The following MIA3 variants were observed in gnomAD, a reference collection of about 807,000 sequenced individuals.
MIA3 encodes transport and Golgi organization protein 1 homolog.
MIA3 carries 90 observed loss-of-function variants against 192.4 expected under a neutral mutation model. That is an observed-to-expected ratio of 0.47 (90% CI 0.39 to 0.56). MIA3 has a LOEUF of 0.56. MIA3 is among the 20% of genes least tolerant of loss of function. The pLI, the probability that MIA3 is intolerant of heterozygous loss-of-function variation, is 0.00. For synonymous variants in MIA3, 740 were observed against 792.8 expected, an observed-to-expected ratio of 0.93 and a Z score of 1.12; for missense variants, 2,123 against 2,269.4, an observed-to-expected ratio of 0.94 and a Z score of 1.31.
chr1:222,662,437 C>G, intron 26 of MIA3, 105 bp downstream of exon 26: 4 of 1,570,026 alleles, frequency 2.5e-6, no homozygotes, highest in Non-Finnish European at 2.6e-6. Flanking sequence ...TCTGTACTAT[C>G]TCATTTATTT....
intron 6 of MIA3, chr1:222,644,264 C>T: frequency 7.2e-7 from 1 of 1,379,656 alleles, no homozygotes; most frequent in Non-Finnish European, 9.4e-7. Context: ...CCGGCCGGCT[C>T]CTTTGGTGCC....
intron 7 of MIA3, among the ~76,000 whole-genome samples, chr1:222,647,608 G>A (rs989275070): frequency 1.3e-5 from 2 of 152,128 alleles, no homozygotes; most frequent in Admixed American, 1.3e-4. Flanking sequence ...GGGAAAAGTT[G>A]AAAACATTTT....
At chr1:222,651,157 G>T (rs1273438067) in intron 11 of MIA3, among the ~76,000 whole-genome samples, 1 of 151,486 alleles carries the variant, frequency 6.6e-6, no homozygotes, top group Non-Finnish European at 1.5e-5. Flanking sequence ...GAAACATGTG[G>T]AACAACTAAG....
rs370708315 is a variant in MIA3 at position 222,627,770 on chromosome 1, G to A, written c.550G>A (p.Ala184Thr). 3 of 1,613,288 alleles carry A rather than the reference G, an allele frequency of 1.9e-6. No individual in the cohort carries two copies. The African/African-American group carries it at 4.0e-5, about 22-fold the overall frequency. ...GGAACCTGAACCTGAACCAGTAGAA[G>A]CCAACTCAGAGGAAAGTGATAGTGT... ...EREPEPEPVEANSEESDSVFS... is the reference protein window; with the variant it reads ...EREPEPEPVETNSEESDSVFS... Residue 184 changes from alanine to threonine, a missense_variant, in exon 4 of 28, where the codon GCC (alanine) becomes ACC (threonine). Physicochemically the swap from Ala to Thr is moderately conservative, Grantham distance 58 (BLOSUM62 0). This residue lies in a region of MIA3 where 1,357 missense variants were observed against 1,396.1 expected (regional missense o/e 0.97). Coordinates refer to ENST00000344922, the MANE Select transcript of MIA3 (RefSeq NM_198551.4).
At chr1:222,639,242 C>T (rs192997860) in intron 6 of MIA3, among the ~76,000 whole-genome samples, 2 of 152,292 alleles carry the variant, frequency 1.3e-5, no homozygotes, top group African/African-American at 4.8e-5. Flanking sequence ...ATTGGATTTA[C>T]AGCTAAAAAC....
Position 222,666,224 on chromosome 1 carries a change from A to G in MIA3, c.*605A>G, listed in dbSNP as rs1233689408. On this transcript the variant is annotated 3_prime_UTR_variant, in exon 28 of 28. Coordinates refer to ENST00000344922, the MANE Select transcript of MIA3 (RefSeq NM_198551.4). ...GAACATGTAAACTCAGGCTCCCAGA[A>G]CTGAAGATGGTGGCTGGTGGCACAC... is the stretch of plus-strand genomic sequence containing the variant. The G allele has an allele frequency of 6.6e-6, 1 of 152,202 alleles. No individual in the cohort carries two copies. The highest frequency in any genetic ancestry group is 1.5e-5 in the Non-Finnish European group (1 of 68,056). 9.4% of individuals were successfully genotyped at this position (152,202 alleles called of 1,614,324 possible).
chr1:222,659,396 T>G, intron 19 of MIA3, 57 bp from the exon 20 acceptor site: 1 of 1,474,738 alleles, frequency 6.8e-7, no homozygotes, highest in Non-Finnish European at 9.5e-7. Flanking sequence ...CATAGTCAGA[T>G]TGTTTGGGTT....
In MIA3 at chr1:222,629,635, A is replaced by G; in HGVS notation, c.2415A>G (p.Glu805=). 6.2e-7 allele frequency: 1 copy of G among 1,614,228 alleles called. No individual in the cohort carries two copies. Among genetic ancestry groups the G allele is most frequent in the Non-Finnish European group, 8.5e-7 (1 of 1,180,036 alleles). ...AAKGVNTGGR[E]PNTMVEKERP... is the part of the protein sequence containing the mutation. ...AAGGGGTCAACACAGGAGGCAGGGAACCAAATACAATGGTGGAAAAAGAAC... is the reference window on the plus strand; with the variant it reads ...AAGGGGTCAACACAGGAGGCAGGGAGCCAAATACAATGGTGGAAAAAGAAC... The change falls in exon 4 of 28, where the codon GAA becomes GAG. Residue 805 remains glutamate (E), a synonymous_variant. Transcript: ENST00000344922.
Position 222,652,034 on chromosome 1 carries a change from T to C in MIA3, c.3967T>C (p.Ser1323Pro). 6.4e-7 allele frequency: 1 copy of C among 1,560,576 alleles called. No individual in the cohort carries two copies. Reference sequence around the variant, plus strand: ...AAAGGATGTTATTTCAATGAATGCCTCAGAATTTTCAGAGGTAAAGCTGAC... The same window carrying C: ...AAAGGATGTTATTTCAATGAATGCCCCAGAATTTTCAGAGGTAAAGCTGAC... The part of the protein sequence containing the change: ...KLKDVISMNA[S>P]EFSEVQIALN... Residue 1323 changes from serine to proline, a missense_variant, in exon 12 of 28, where the codon TCA becomes CCA. Physicochemically the swap from Ser to Pro is moderately conservative, Grantham distance 74. Around this residue, in one of 3 missense-constraint regions of MIA3, gnomAD observed 762 missense variants for 856.4 expected, o/e 0.89. Coordinates refer to ENST00000344922, the MANE Select transcript of MIA3 (RefSeq NM_198551.4).
At chr1:222,622,424 C>G (rs1661914117) in intron 2 of MIA3, among the ~76,000 whole-genome samples, 1 of 152,102 alleles carries the variant, frequency 6.6e-6, no homozygotes, top group Non-Finnish European at 1.5e-5. Flanking sequence ...AAATACCCAT[C>G]CCGACTATGA....
At position 222,627,912 on chromosome 1, in the gene MIA3, A is replaced by G; in HGVS notation, c.692A>G (p.Glu231Gly). 6.2e-7 allele frequency: 1 copy of G among 1,614,072 alleles called. No individual in the cohort carries two copies. Among genetic ancestry groups the G allele is most frequent in the Non-Finnish European group, 8.5e-7 (1 of 1,180,016 alleles). Residue 231 changes from glutamate to glycine, a missense_variant, in exon 4 of 28, where the codon GAA (glutamate) becomes GGA (glycine). Glu to Gly is a moderately conservative substitution (Grantham distance 98, BLOSUM62 -2). This residue lies in a region of MIA3 where 1,357 missense variants were observed against 1,396.1 expected (regional missense o/e 0.97). Transcript: ENST00000344922. ...QGEQASFESF[E>G]EMLQDKLKVP... is the part of the protein sequence containing the mutation. The stretch of plus-strand genomic sequence containing the variant: ...GAGCAGGCTTCATTTGAATCTTTTG[A>G]AGAAATGCTGCAAGATAAACTAAAA...
intron 24 of MIA3, 54 bp from the exon 25 acceptor site, chr1:222,662,002 T>C: frequency 6.8e-7 from 1 of 1,459,982 alleles, no homozygotes; most frequent in Non-Finnish European, 9.5e-7. Context: ...CTGTCCACAA[T>C]TTATTATTTC....
chr1:222,651,344 T>C (rs1465724309), intron 11 of MIA3, among the ~76,000 whole-genome samples: 1 of 151,926 alleles, frequency 6.6e-6, no homozygotes, highest in Non-Finnish European at 1.5e-5. Flanking sequence ...CTCGTTGAGG[T>C]AGTATTGCCA....
At chr1:222,652,110 A>G in intron 12 of MIA3, 62 bp downstream of exon 12, 1 of 1,332,148 alleles carries the variant, frequency 7.5e-7, no homozygotes, top group Non-Finnish European at 1.1e-6. Flanking sequence ...TTGCAGAGCA[A>G]AAATTTGATA....
chr1:222,629,751 T>C lies in MIA3; in HGVS notation c.2531T>C (p.Val844Ala), dbSNP rs753672852. 6.2e-7 allele frequency: 1 copy of C among 1,614,044 alleles called. No homozygotes were observed. ...IKIQTPELGE[V>A]FQNKDSDYLK... ...ATTCAGACTCCAGAATTAGGTGAAG[T>C]GTTTCAGAATAAAGATTCTGATTAT... Residue 844 changes from valine (V) to alanine (A), a missense_variant, in exon 4 of 28, where the codon GTG becomes GCG. By Grantham distance (64) the Val-to-Ala change is moderately conservative. Around this residue, in one of 3 missense-constraint regions of MIA3, gnomAD observed 1,357 missense variants for 1,396.1 expected, o/e 0.97. Transcript: ENST00000344922.
In MIA3 at chr1:222,628,133, G is replaced by A. The variant is rs1327710915; in HGVS notation, c.913G>A (p.Glu305Lys). ...TACTTCATTAGAAGATGATTTTGAT[G>A]AGGAATTGGATACTGAGTATTATGC... is the stretch of plus-strand genomic sequence containing the variant. ...LVTSLEDDFDEELDTEYYAVG... is the reference protein window; with the variant it reads ...LVTSLEDDFDKELDTEYYAVG... The change falls in exon 4 of 28, where the codon GAG (glutamate) becomes AAG (lysine). Residue 305 changes from glutamate (E) to lysine (K), a missense_variant. Transcript: ENST00000344922. The A allele has an allele frequency of 5.6e-6, 9 of 1,613,846 alleles. No homozygotes were observed. The highest frequency in any genetic ancestry group is 7.6e-6 in the Non-Finnish European group (9 of 1,180,032).
Position 222,632,154 on chromosome 1 carries a change from T to C in MIA3, c.3170-11T>C, listed in dbSNP as rs1662424702. The C allele has an allele frequency of 6.2e-7, 1 of 1,613,164 alleles. No homozygotes were observed. The highest frequency in any genetic ancestry group is 8.5e-7 in the Non-Finnish European group (1 of 1,179,488). On this transcript the variant is annotated splice_polypyrimidine_tract_variant and intron_variant, in intron 4 of 27. Transcript: ENST00000344922. ...AAGCTGTGCTAGCCCAGTGTATTCTTCTCACCCTAGAGATGCAACCACTGC... is the reference window on the plus strand; with the variant it reads ...AAGCTGTGCTAGCCCAGTGTATTCTCCTCACCCTAGAGATGCAACCACTGC...
At chr1:222,636,903 T>C (rs141138428) in intron 6 of MIA3, among the ~76,000 whole-genome samples, 2 of 152,288 alleles carry the variant, frequency 1.3e-5, no homozygotes, top group African/African-American at 4.8e-5. Flanking sequence ...GCAAGATTGG[T>C]GTACTCTGCT....
intron 3 of MIA3, among the ~76,000 whole-genome samples, chr1:222,626,114 A>G (rs1662106760): frequency 6.6e-6 from 1 of 152,236 alleles, no homozygotes; most frequent in Non-Finnish European, 1.5e-5. Flanking sequence ...GTCTGCTTTC[A>G]TTCAAAAGTC....
Sources: gnomAD v4.1 joint callset for allele counts (sites outside exome capture counted in the v4.1 genomes callset) on GRCh38, gnomAD v4.1.1 for gene constraint, gnomAD v4.1.1 regional missense constraint, MANE v1.5 for transcripts, NCBI Gene and HGNC (gene_info 2026-07-23, HGNC 2026-07-21) for gene names.